The following EIF4G3 variants were observed in gnomAD, a reference collection of about 807,000 sequenced individuals.
EIF4G3 encodes the protein eIF-4-gamma 3.
In EIF4G3, 34 loss-of-function variants were observed where a neutral mutation model predicts 186.4. The observed-to-expected ratio is 0.18, with a 90% CI of 0.14 to 0.24. The LOEUF is 0.24. Ranked by LOEUF, EIF4G3 falls within the 10% of genes least tolerant of loss-of-function variation. EIF4G3 has a pLI of 1.00. For missense variants in EIF4G3, 1,536 were observed against 1,948.5 expected (o/e 0.79, Z 3.99); for synonymous variants, 673 against 679.5 (o/e 0.99, Z 0.15).
chr1:21,004,371 T>TA (rs1296465420), intron 4 of EIF4G3, among the ~76,000 whole-genome samples: 1 of 152,090 alleles, frequency 6.6e-6, no homozygotes, highest in South Asian at 2.1e-4. Flanking sequence ...TGCTACTGAA[T>TA]AAAAAAATTG....
At chr1:20,962,557 T>C (rs968037004) in intron 12 of EIF4G3, among the ~76,000 whole-genome samples, 3 of 152,182 alleles carry the variant, frequency 2.0e-5, no homozygotes, top group African/African-American at 7.2e-5. Flanking sequence ...AACTCAACTT[T>C]TTCTTGTAAT....
At chr1:21,023,931 GCGCCTCTGCCCGGC>G in intron 4 of EIF4G3, among the ~76,000 whole-genome samples, 1 of 129,108 alleles carries the variant, frequency 7.7e-6, no homozygotes, top group African/African-American at 2.7e-5. Flanking sequence ...GATGTGAGGA[GCGCCTCTGCCCGGC>G]CACGACCCCA....
intron 14 of EIF4G3, among the ~76,000 whole-genome samples, chr1:20,932,480 T>G (rs1311067452): frequency 6.6e-6 from 1 of 152,178 alleles, no homozygotes; most frequent in Non-Finnish European, 1.5e-5. Flanking sequence ...CTCACTAAGC[T>G]TAATCATTTC....
chr1:21,145,120 A>G (rs2097415582), intron 2 of EIF4G3, among the ~76,000 whole-genome samples: 1 of 152,042 alleles, frequency 6.6e-6, no homozygotes. Context: ...AAATTATGCC[A>G]TTATTTCTTG....
chr1:20,998,029 G>A (rs2082669305), intron 6 of EIF4G3, among the ~76,000 whole-genome samples: 1 of 151,848 alleles, frequency 6.6e-6, no homozygotes, highest in Admixed American at 6.6e-5. Flanking sequence ...TACAGCTGGA[G>A]GAAATGAGAA....
intron 29 of EIF4G3, among the ~76,000 whole-genome samples, chr1:20,846,191 AGAT>A (rs2070940743): frequency 6.6e-6 from 1 of 152,152 alleles, no homozygotes; most frequent in Non-Finnish European, 1.5e-5. Context: ...TTTTGGGCTG[AGAT>A]GATGGGGTTT....
intron 2 of EIF4G3, among the ~76,000 whole-genome samples, chr1:21,124,434 G>T (rs1161503975): frequency 6.6e-6 from 1 of 152,208 alleles, no homozygotes; most frequent in African/African-American, 2.4e-5. Context: ...ACACCTTGAA[G>T]AGCCAGCAAA....
chr1:21,144,454 G>A (rs1573268653), intron 2 of EIF4G3, among the ~76,000 whole-genome samples: 1 of 150,012 alleles, frequency 6.7e-6, no homozygotes, highest in African/African-American at 2.5e-5. Context: ...ATGGGGTCTC[G>A]CTGTGTTGCC....
chr1:21,147,824 C>T (rs989354355), intron 2 of EIF4G3, among the ~76,000 whole-genome samples: 1 of 152,060 alleles, frequency 6.6e-6, no homozygotes, highest in East Asian at 1.9e-4. Context: ...TGAAAGACTG[C>T]AATATTTAAT....
chr1:20,974,468 A>G (rs974232641), intron 10 of EIF4G3, among the ~76,000 whole-genome samples: 10 of 152,130 alleles, frequency 6.6e-5, no homozygotes, highest in African/African-American at 2.4e-4. Flanking sequence ...GTCAAATAAG[A>G]TTTTTCAAAG....
At chr1:21,159,877 G>C (rs183383838) in intron 2 of EIF4G3, among the ~76,000 whole-genome samples, 3 of 151,932 alleles carry the variant, frequency 2.0e-5, no homozygotes, top group Non-Finnish European at 2.9e-5. Flanking sequence ...GAGGCCAAGC[G>C]GGTGGATCAT....
chr1:21,096,750 G>C (rs891531809), intron 2 of EIF4G3, among the ~76,000 whole-genome samples: 1 of 152,178 alleles, frequency 6.6e-6, no homozygotes, highest in African/African-American at 2.4e-5. Flanking sequence ...ACTCACATAT[G>C]ACGAAAGTCA....
intron 30 of EIF4G3, among the ~76,000 whole-genome samples, chr1:20,839,834 T>C (rs2067945440): frequency 6.8e-6 from 1 of 146,700 alleles, no homozygotes; most frequent in African/African-American, 2.5e-5. Context: ...GATTGCCATA[T>C]GTGAAATGAC....
chr1:21,019,744 C>T lies in EIF4G3; in HGVS notation c.-66-16936G>A, dbSNP rs187675206. 1.6e-3 allele frequency among the ~76,000 whole-genome samples: 246 copies of T among 152,104 alleles called. 1 individual carries two copies. The highest frequency in any genetic ancestry group is 3.1e-3 in the Non-Finnish European group (209 of 68,006). ...CTAAAAATACAAAAAATTAGCTGGG[C>T]GTGGTGGCACATGCCTGTAGTCCCA... On this transcript the variant is annotated intron_variant, in intron 4 of 36. Transcript: ENST00000602326.
chr1:20,939,847 GTTTTTTT>G (rs538504683), intron 14 of EIF4G3, among the ~76,000 whole-genome samples: 204 of 89,954 alleles, frequency 2.3e-3, no homozygotes, highest in African/African-American at 7.1e-3. Flanking sequence ...AAGTTGTTTA[GTTTTTTT>G]TTTTTTTTTT....
chr1:21,119,554 A>G (rs1424551002), intron 2 of EIF4G3, among the ~76,000 whole-genome samples: 1 of 152,194 alleles, frequency 6.6e-6, no homozygotes, highest in African/African-American at 2.4e-5. Context: ...ATAAAAGGAA[A>G]AAGATACACA....
chr1:21,002,111 A>G (rs1453768805), intron 5 of EIF4G3, among the ~76,000 whole-genome samples: 1 of 152,232 alleles, frequency 6.6e-6, no homozygotes, highest in Non-Finnish European at 1.5e-5. Flanking sequence ...ACCTTGTGTA[A>G]ATTCTCAGTC....
chr1:21,130,167 T>C (rs989763201), intron 2 of EIF4G3, among the ~76,000 whole-genome samples: 2 of 149,614 alleles, frequency 1.3e-5, no homozygotes, highest in African/African-American at 2.5e-5. Flanking sequence ...GAGGATCACA[T>C]GAGCCCAAGA....
chr1:20,969,214 T>C (rs1435422263), intron 12 of EIF4G3, among the ~76,000 whole-genome samples: 1 of 152,238 alleles, frequency 6.6e-6, no homozygotes, highest in Admixed American at 6.5e-5. Context: ...CATCATGCGA[T>C]AGTTCATTAA....
Sources: allele counts gnomAD v4.1 joint callset (sites outside exome capture counted in the v4.1 genomes callset), GRCh38; gene constraint gnomAD v4.1.1; transcripts MANE v1.5; gene names NCBI Gene and HGNC (gene_info 2026-07-23, HGNC 2026-07-21).